The following OPRM1 variants were observed in gnomAD, a reference collection of about 807,000 sequenced individuals.
OPRM1 encodes mu-type opioid receptor.
Under a neutral mutation model 31.8 loss-of-function variants are expected in OPRM1, and 27 were observed. That is an observed-to-expected ratio of 0.85 (90% CI 0.63 to 1.17). The LOEUF (loss-of-function observed/expected upper bound fraction) is 1.17. Ranked by LOEUF, OPRM1 falls within the 50% of genes most tolerant of loss-of-function variation. The probability of loss-of-function intolerance (pLI) is 0.00; values close to 1 mark genes in which losing one functional copy is unlikely to be tolerated. For missense variants in OPRM1, 536 were observed against 511.1 expected (o/e 1.05, Z -0.47); for synonymous variants, 196 against 189.9 (o/e 1.03, Z -0.26).
intron 1 of OPRM1, among the ~76,000 whole-genome samples, chr6:154,019,786 T>C (rs1185179604): frequency 6.7e-6 from 1 of 149,832 alleles, no homozygotes; most frequent in Non-Finnish European, 1.5e-5. Flanking sequence ...CTCGCTCTGT[T>C]GCCCAGGCAC....
intron 1 of OPRM1, among the ~76,000 whole-genome samples, chr6:154,044,951 A>G (rs1214532999): frequency 6.6e-6 from 1 of 152,194 alleles, no homozygotes; most frequent in Admixed American, 6.5e-5. Context: ...GTGGTCAGGC[A>G]CTGTAGCTCT....
intron 3 of OPRM1, among the ~76,000 whole-genome samples, chr6:154,115,319 C>T (rs1048968962): frequency 6.6e-6 from 1 of 152,114 alleles, no homozygotes; most frequent in Admixed American, 6.5e-5. Flanking sequence ...GTGGGTAGAT[C>T]GCTTGAGCTC....
chr6:154,108,076 G>T (rs183129656), intron 3 of OPRM1: 2 of 646,032 alleles, frequency 3.1e-6, no homozygotes, highest in East Asian at 2.9e-5. Flanking sequence ...AGCATGCCAG[G>T]CTTCTGGGTT....
At chr6:154,070,187 C>T (rs1786359310) in intron 1 of OPRM1, among the ~76,000 whole-genome samples, 1 of 152,226 alleles carries the variant, frequency 6.6e-6, no homozygotes, top group African/African-American at 2.4e-5. Context: ...AAGCTGCATG[C>T]AAGCTGCTCC....
intron 1 of OPRM1, among the ~76,000 whole-genome samples, chr6:154,078,215 A>G (rs1211421675): frequency 2.6e-5 from 4 of 152,116 alleles, no homozygotes; most frequent in East Asian, 1.9e-4. Flanking sequence ...CCATATGTCA[A>G]CTACTCCCAA....
chr6:154,136,593 C>T (rs759662710), downstream of OPRM1, among the ~76,000 whole-genome samples: 55 of 152,266 alleles, frequency 3.6e-4, no homozygotes, highest in Non-Finnish European at 2.9e-4. Context: ...ATCCCTCAGC[C>T]CCTCCGCTTG....
chr6:154,241,234 C>CAAAAAA (rs11308882), intron 3 of OPRM1, among the ~76,000 whole-genome samples: 3 of 79,232 alleles, frequency 3.8e-5, no homozygotes, highest in African/African-American at 4.8e-5. Context: ...GACTCCATCT[C>CAAAAAA]AAAAAAAAAA....
intron 2 of OPRM1, 129 bp from the exon 3 acceptor site, chr6:154,090,823 A>G: frequency 1.3e-6 from 1 of 776,760 alleles, no homozygotes; most frequent in South Asian, 2.0e-5. Context: ...AGTTTCTTCC[A>G]CAATTTCTTT....
chr6:154,104,007 T>C (rs1429967918), intron 3 of OPRM1, among the ~76,000 whole-genome samples: 1 of 152,100 alleles, frequency 6.6e-6, no homozygotes, highest in African/African-American at 2.4e-5. Context: ...CAAGATGGAG[T>C]TGTTCTGGTT....
chr6:154,235,596 A>G (rs1288272093), intron 3 of OPRM1, among the ~76,000 whole-genome samples: 1 of 152,096 alleles, frequency 6.6e-6, no homozygotes, highest in Non-Finnish European at 1.5e-5. Flanking sequence ...AGTCAGTACA[A>G]CACATAATCT....
intron 3 of OPRM1, among the ~76,000 whole-genome samples, chr6:154,138,830 C>T (rs1798127432): frequency 6.6e-6 from 1 of 152,246 alleles, no homozygotes; most frequent in Non-Finnish European, 1.5e-5. Context: ...CCGGAGGCTA[C>T]AAGATTCTGA....
chr6:154,219,989 T>A (rs975983100), intron 3 of OPRM1, among the ~76,000 whole-genome samples: 4 of 63,756 alleles, frequency 6.3e-5, no homozygotes, highest in African/African-American at 3.4e-4. Context: ...GTAAGGAGTG[T>A]GTGTGTGTGT....
chr6:154,094,124 C>A, intron 3 of OPRM1: 2 of 719,402 alleles, frequency 2.8e-6, no homozygotes, highest in Non-Finnish European at 4.2e-6. Flanking sequence ...TTATGTTCTG[C>A]CTTATGTATT....
chr6:154,138,479 T>C (rs1395877241), intron 3 of OPRM1, among the ~76,000 whole-genome samples: 1 of 152,198 alleles, frequency 6.6e-6, no homozygotes, highest in African/African-American at 2.4e-5. Flanking sequence ...GTAAGGCTCA[T>C]GTGCCTGCTT....
intron 3 of OPRM1, among the ~76,000 whole-genome samples, chr6:154,149,020 C>T (rs1173519887): frequency 1.3e-5 from 2 of 152,214 alleles, no homozygotes; most frequent in Admixed American, 1.3e-4. Flanking sequence ...TGTACACTTG[C>T]CCAAGTAAAT....
intron 3 of OPRM1, among the ~76,000 whole-genome samples, chr6:154,096,006 G>C (rs888878838): frequency 2.0e-4 from 31 of 152,014 alleles, no homozygotes; most frequent in African/African-American, 7.0e-4. Context: ...GTTTCCACCC[G>C]CATCATATTA....
At chr6:154,057,567 C>A (rs554103104) in intron 1 of OPRM1, among the ~76,000 whole-genome samples, 1 of 152,108 alleles carries the variant, frequency 6.6e-6, no homozygotes, top group Admixed American at 6.5e-5. Flanking sequence ...TTATTTATGT[C>A]TCAGAGGCAA....
upstream of OPRM1, among the ~76,000 whole-genome samples, chr6:154,034,145 T>C (rs898395805): frequency 6.6e-6 from 1 of 152,252 alleles, no homozygotes; most frequent in African/African-American, 2.4e-5. Context: ...ATGAAGCTTC[T>C]GCCACAAACT....
In OPRM1 at chr6:154,039,317, CTG is replaced by C; in HGVS notation, c.-225_-224del. On this transcript the variant is annotated 5_prime_UTR_variant, in exon 1 of 4. The change abolishes the stop of an existing upstream ORF in the 5' untranslated region. Coordinates refer to ENST00000330432, the MANE Select transcript of OPRM1 (RefSeq NM_000914.5). ...GCGGTGCGGGGCAGGTGATGAGCCT[CTG>C]TGAACTACTAAGGTGGGAGGGGGCT... 6.4e-7 allele frequency: 1 copy of C among 1,550,696 alleles called. No homozygotes were observed. Among genetic ancestry groups the C allele is most frequent in the East Asian group, 2.4e-5 (1 of 40,910 alleles).
Sources: allele counts gnomAD v4.1 joint callset (sites outside exome capture counted in the v4.1 genomes callset), GRCh38; gene constraint gnomAD v4.1.1; transcripts MANE v1.5; gene names NCBI Gene and HGNC (gene_info 2026-07-23, HGNC 2026-07-21).